Variants in SHANK2 observed in about 807,000 individuals in gnomAD.
SHANK2 encodes the protein SH3 and multiple ankyrin repeat domains protein 2.
In SHANK2, 43 loss-of-function variants were observed where a neutral mutation model predicts 133.7. That is an observed-to-expected ratio of 0.32 (90% CI 0.25 to 0.41). SHANK2 has a LOEUF of 0.41. SHANK2 is among the 10% of genes least tolerant of loss of function. SHANK2 has a pLI of 1.00. For missense variants in SHANK2, 1,994 were observed against 2,235.8 expected, an observed-to-expected ratio of 0.89 and a Z score of 2.18; for synonymous variants, 1,017 against 952.8, an observed-to-expected ratio of 1.07 and a Z score of -1.24.
At chr11:71,082,293 G>A (rs1008615044) in intron 8 of SHANK2, among the ~76,000 whole-genome samples, 31 of 152,318 alleles carry the variant, frequency 2.0e-4, no homozygotes, top group Admixed American at 8.5e-4. Flanking sequence ...TGGACACCGC[G>A]GTCACTGCGG....
chr11:71,074,928 T>C (rs1254512400), intron 9 of SHANK2, among the ~76,000 whole-genome samples: 3 of 152,022 alleles, frequency 2.0e-5, no homozygotes, highest in African/African-American at 7.3e-5. Flanking sequence ...TACAGGTGCC[T>C]GCCACCATGC....
At chr11:71,213,749 G>A (rs1412587143) in intron 2 of SHANK2, among the ~76,000 whole-genome samples, 2 of 150,806 alleles carry the variant, frequency 1.3e-5, no homozygotes, top group African/African-American at 4.9e-5. Flanking sequence ...CCAGCCTGCC[G>A]CCTCCATCCA....
At chr11:70,563,938 TTC>T (rs1310950905) in intron 17 of SHANK2, among the ~76,000 whole-genome samples, 1 of 152,250 alleles carries the variant, frequency 6.6e-6, no homozygotes, top group Non-Finnish European at 1.5e-5. Flanking sequence ...CTGTTTTTTC[TTC>T]TCTTTCAATA....
At chr11:70,878,207 C>T (rs909799033) in intron 11 of SHANK2, among the ~76,000 whole-genome samples, 5 of 152,180 alleles carry the variant, frequency 3.3e-5, no homozygotes, top group Non-Finnish European at 7.3e-5. Context: ...AGCCGCAGCT[C>T]CCTCCTGCTG....
At chr11:71,069,091 T>C (rs1173007516) in intron 9 of SHANK2, among the ~76,000 whole-genome samples, 200 of 114,364 alleles carry the variant, frequency 1.7e-3, no homozygotes, top group African/African-American at 5.9e-3. Context: ...ACCACCATCA[T>C]CACCATCATC....
chr11:70,791,794 T>TAGGGCAGGG (rs1446153763), intron 14 of SHANK2, among the ~76,000 whole-genome samples: 3 of 152,180 alleles, frequency 2.0e-5, no homozygotes, highest in African/African-American at 7.2e-5. Flanking sequence ...TAATGGGTCA[T>TAGGGCAGGG]AGTCCCTGCC....
rs782739219 is a variant in SHANK2 at position 70,485,595 on chromosome 11, C to T, written c.4698G>A (p.Ala1566=). ...IHKSNALYQD[A]LVEEDVDSFV... is the part of the protein sequence containing the mutation. ...AGCTATCTACATCTTCTTCCACGAG[C>T]GCGTCTTGATAAAGTGCATTGCTTT... The change falls in exon 25 of 26, where the codon GCG becomes GCA. Residue 1566 remains alanine, a synonymous_variant. Transcript: ENST00000601538. This position sits in a 1 kb window ranked among gnomAD's most constrained non-coding sequence, Gnocchi z 5.8. 1.3e-5 allele frequency: 21 copies of T among 1,613,768 alleles called. No individual in the cohort carries two copies. Among genetic ancestry groups the T allele is most frequent in the East Asian group, 4.5e-5 (2 of 44,896 alleles).
intron 17 of SHANK2, among the ~76,000 whole-genome samples, chr11:70,616,559 A>G (rs1554996014): frequency 6.6e-6 from 1 of 152,174 alleles, no homozygotes; most frequent in Non-Finnish European, 1.5e-5. Context: ...ACGAGGACAG[A>G]GGAGGCACTG....
chr11:70,536,603 C>T (rs139339094), intron 17 of SHANK2, among the ~76,000 whole-genome samples: 2 of 152,314 alleles, frequency 1.3e-5, no homozygotes, highest in Non-Finnish European at 2.9e-5. Context: ...TCAGTGTCTC[C>T]CATGAGCTCC....
At chr11:70,839,543 G>A (rs1468668000) in intron 11 of SHANK2, among the ~76,000 whole-genome samples, 1 of 152,236 alleles carries the variant, frequency 6.6e-6, no homozygotes, top group African/African-American at 2.4e-5. Flanking sequence ...GCCTTCCTGT[G>A]CCACTGGGCT....
chr11:71,094,571 T>G lies in SHANK2; in HGVS notation c.710A>C (p.Lys237Thr), dbSNP rs1951574293. ...AACTTGGTTCCTCGCTCGGGCAGCT[T>G]TGTGTAGGGCGGTCATCCCATCTTT... ...RAKDGMTALH[K>T]AARARNQVAL... Residue 237 changes from lysine (K) to threonine (T), a missense_variant, in exon 7 of 26, where the codon AAA (lysine) becomes ACA (threonine). Around this residue, in one of 5 missense-constraint regions of SHANK2, gnomAD observed 653 missense variants for 563.4 expected, o/e 1.16. Transcript: ENST00000601538. 1 of 1,551,556 alleles carries G rather than the reference T, an allele frequency of 6.4e-7. No individual in the cohort carries two copies. Among genetic ancestry groups the G allele is most frequent in the Admixed American group, 2.0e-5 (1 of 50,986 alleles).
In SHANK2 at chr11:70,468,165, T is replaced by C. The variant is rs1591466661; in HGVS notation, c.*4704A>G. On this transcript the variant is annotated 3_prime_UTR_variant, in exon 26 of 26. Coordinates refer to ENST00000601538, the MANE Select transcript of SHANK2 (RefSeq NM_012309.5). ...CACACTTTATTTTTTTTCCTTTTTT[T>C]TTTTCTTTTCTGTGTTTATTTGAAG... The C allele has an allele frequency of 1.3e-5, 2 of 152,452 alleles. No homozygotes were observed. Among genetic ancestry groups the C allele is most frequent in the African/African-American group, 4.8e-5 (2 of 41,462 alleles). The allele number at this position is 152,452 out of a possible 1,614,324, so 9.4% of individuals were successfully genotyped here. A position where few individuals can be genotyped will look rare whatever the true frequency, so the allele number is the denominator to read the frequency against.
At chr11:70,573,212 G>A (rs2136188663) in intron 17 of SHANK2, among the ~76,000 whole-genome samples, 1 of 150,566 alleles carries the variant, frequency 6.6e-6, no homozygotes, top group South Asian at 2.1e-4. Context: ...GGAGCTGGGC[G>A]GTCACTGCAG....
At chr11:70,578,417 C>T (rs925609247) in intron 17 of SHANK2, among the ~76,000 whole-genome samples, 3 of 152,198 alleles carry the variant, frequency 2.0e-5, no homozygotes, top group Non-Finnish European at 4.4e-5. Context: ...GTTGTTGGCA[C>T]AGAAGGCGAG....
chr11:71,117,861 G>C (rs1952007854), intron 4 of SHANK2, among the ~76,000 whole-genome samples: 1 of 152,178 alleles, frequency 6.6e-6, no homozygotes, highest in Admixed American at 6.5e-5. Context: ...AGCTGCTCCA[G>C]CAAGGGATGG....
In SHANK2 at chr11:70,599,895, AAGAAAGAAAGAG is replaced by A. The variant is rs1565166166; in HGVS notation, c.2061+59921_2061+59932del. Among the ~76,000 whole-genome samples, 1,003 of 101,066 alleles carry A rather than the reference AAGAAAGAAAGAG, an allele frequency of 9.9e-3. 27 individuals are homozygous for A. The highest frequency in any genetic ancestry group is 0.036 in the African/African-American group (964 of 26,882). 66.3% of individuals were successfully genotyped at this position (101,066 alleles called of 152,430 possible). A position where few individuals can be genotyped will look rare whatever the true frequency, so the allele number is the denominator to read the frequency against. On this transcript the variant is annotated intron_variant, in intron 17 of 25. Coordinates refer to ENST00000601538, the MANE Select transcript of SHANK2 (RefSeq NM_012309.5). ...AGAAAGAAAGAAAGAAAGAAAAAGA[AAGAAAGAAAGAG>A]AAAGAAAGAAAGAAAGAAAGAAAGA...
chr11:70,838,746 G>A (rs1301355223), intron 11 of SHANK2, among the ~76,000 whole-genome samples: 3 of 152,154 alleles, frequency 2.0e-5, no homozygotes, highest in East Asian at 1.9e-4. Context: ...TGCACAGGCC[G>A]ATTCAACAAT....
chr11:71,167,740 C>G (rs1308919303), intron 2 of SHANK2, among the ~76,000 whole-genome samples: 5 of 135,148 alleles, frequency 3.7e-5, no homozygotes, highest in Admixed American at 3.5e-4. Flanking sequence ...CCAGTAGGGG[C>G]GGCCGGGCAG....
chr11:70,713,505 C>T (rs564817002), intron 14 of SHANK2, among the ~76,000 whole-genome samples: 153 of 152,328 alleles, frequency 1.0e-3, no homozygotes, highest in African/African-American at 3.5e-3. Context: ...GCTTCATGTA[C>T]GGAGCCGAGG....
Sources: allele counts gnomAD v4.1 joint callset (sites outside exome capture counted in the v4.1 genomes callset), GRCh38; gene constraint gnomAD v4.1.1; regional missense constraint gnomAD v4.1.1; non-coding constraint Gnocchi (gnomAD v3.1); transcripts MANE v1.5; gene names NCBI Gene and HGNC (gene_info 2026-07-23, HGNC 2026-07-21).